Variants in ODF2 observed in about 807,000 individuals in gnomAD.
ODF2 encodes outer dense fiber of sperm tails 2.
ODF2 carries 47 observed loss-of-function variants against 110.2 expected under a neutral mutation model. That is an observed-to-expected ratio of 0.43 (90% CI 0.34 to 0.54). The LOEUF (loss-of-function observed/expected upper bound fraction) is 0.54, where lower values mean the gene tolerates loss of function less well. ODF2 is among the 20% of genes least tolerant of loss of function. The pLI, the probability that ODF2 is intolerant of heterozygous loss-of-function variation, is 0.03. For synonymous variants in ODF2, 352 were observed against 397.7 expected (o/e 0.89, Z 1.37); for missense variants, 812 against 1,054.5 (o/e 0.77, Z 3.19).
chr9:128,481,348 A>G (rs1842356864), intron 8 of ODF2, among the ~76,000 whole-genome samples: 2 of 152,134 alleles, frequency 1.3e-5, no homozygotes, highest in African/African-American at 2.4e-5. Context: ...ATGGTAGTGC[A>G]TGCTTGTTGT....
chr9:128,494,366 C>T lies in ODF2; in HGVS notation c.1753-144C>T. ...CCAGCGGGGAGTGTAGGCCACACTT[C>T]TGCTGTGGATTTTGCAGGATCCTCC... On this transcript the variant is annotated intron_variant, in intron 16 of 20. Transcript: ENST00000604420. This position sits in a 1 kb window ranked among gnomAD's most constrained non-coding sequence, Gnocchi z 4.6. 1.5e-6 allele frequency: 1 copy of T among 688,200 alleles called. No homozygotes were observed. Among genetic ancestry groups the T allele is most frequent in the Non-Finnish European group, 2.5e-6 (1 of 404,516 alleles). 42.6% of individuals were successfully genotyped at this position (688,200 alleles called of 1,614,324 possible).
intron 1 of ODF2, 167 bp downstream of exon 1, chr9:128,456,422 C>T: frequency 6.7e-7 from 1 of 1,484,816 alleles, no homozygotes; most frequent in Non-Finnish European, 8.9e-7. Flanking sequence ...CCCGCCCCGC[C>T]CACCGGCGCG....
intron 4 of ODF2, among the ~76,000 whole-genome samples, chr9:128,464,480 A>G (rs919239880): frequency 6.6e-6 from 1 of 150,664 alleles, no homozygotes; most frequent in African/African-American, 2.4e-5. Flanking sequence ...AAAAATAAAA[A>G]GCCTTGGTAG....
chr9:128,460,838 C>T (rs1836258930), intron 3 of ODF2, 104 bp from the exon 4 acceptor site: 1 of 1,543,028 alleles, frequency 6.5e-7, no homozygotes, highest in African/African-American at 1.4e-5. Flanking sequence ...ACAGCAGTAA[C>T]ATTAGTCAGA....
Position 128,498,409 on chromosome 9 carries a change from C to T in ODF2, c.2013-4C>T. On this transcript the variant is annotated splice_polypyrimidine_tract_variant and splice_region_variant and intron_variant, in intron 18 of 20. Transcript: ENST00000604420. ...CCAGGATCTGATTGAGTGCTTTCAC[C>T]TAGGAAACTGGAGGCGACCAGTGCC... 1 of 1,581,666 alleles carries T rather than the reference C, an allele frequency of 6.3e-7. No individual in the cohort carries two copies. Among genetic ancestry groups the T allele is most frequent in the East Asian group, 2.3e-5 (1 of 43,890 alleles).
intron 1 of ODF2, chr9:128,457,031 C>CAG: frequency 7.8e-7 from 1 of 1,283,822 alleles, no homozygotes; most frequent in Non-Finnish European, 1.0e-6. Flanking sequence ...CCCGCCCTCT[C>CAG]CGCACGTCCG....
chr9:128,473,025 A>G lies in ODF2; in HGVS notation c.694A>G (p.Ile232Val), dbSNP rs186444210. 5 of 1,614,052 alleles carry G rather than the reference A, an allele frequency of 3.1e-6. No homozygotes were observed. In the East Asian group the frequency reaches 8.9e-5, roughly 29 times the overall value. ...GCAGGTCATGGCCTTGAAGGATACC[A>G]TCGGGAAGCTGAAAACAGTAGGTGG... Residue 232 changes from isoleucine to valine, a missense_variant, in exon 7 of 21, where the codon ATC (isoleucine) becomes GTC (valine). Coordinates refer to ENST00000604420, the Ensembl canonical transcript of ODF2.
At chr9:128,497,758 C>T (rs1360931297) in intron 18 of ODF2, 1 of 152,090 alleles carries the variant, frequency 6.6e-6, no homozygotes, top group Admixed American at 6.6e-5. Context: ...AGTGCACTTG[C>T]AAGGAGGCTA....
intron 8 of ODF2, among the ~76,000 whole-genome samples, chr9:128,477,577 T>C (rs774673925): frequency 9.2e-5 from 14 of 151,762 alleles, no homozygotes; most frequent in Non-Finnish European, 1.6e-4. Flanking sequence ...TAACAAGTAA[T>C]GTAAAGTGGT....
At chr9:128,459,693 C>T (rs755322493) in intron 3 of ODF2, 36 bp downstream of exon 2, 7 of 1,537,030 alleles carry the variant, frequency 4.6e-6, no homozygotes, top group South Asian at 3.4e-5. Flanking sequence ...CCTCTTTGGT[C>T]ACCTTGCTAA....
rs557324124 is a variant in ODF2, at chr9:128,457,479, A to T, written c.32+42A>T. On this transcript the variant is annotated intron_variant, in intron 2 of 20. Transcript: ENST00000604420. ...AGGCGCCTGCGCCGGAGGGCAGGGA[A>T]AGGTGGCCAGGGGTCCCCAGGGCAG... is the stretch of plus-strand genomic sequence containing the variant. 2.6e-5 allele frequency: 40 copies of T among 1,561,886 alleles called. No individual in the cohort carries two copies. The East Asian group carries it at 9.0e-4, about 35-fold the overall frequency.
At chr9:128,456,368 C>A in intron 1 of ODF2, 113 bp downstream of exon 1, 1 of 1,430,134 alleles carries the variant, frequency 7.0e-7, no homozygotes, top group Non-Finnish European at 9.1e-7. Flanking sequence ...GTCCTGGGTT[C>A]CCCGCCGCGT....
chr9:128,495,878 C>CCTGT (rs1454737041), intron 17 of ODF2, among the ~76,000 whole-genome samples, 163 bp from the exon 18 acceptor site: 3 of 152,120 alleles, frequency 2.0e-5, no homozygotes, highest in African/African-American at 7.2e-5. Context: ...TTGGGCCTAA[C>CCTGT]CTGTCCCTGC....
intron 8 of ODF2, among the ~76,000 whole-genome samples, chr9:128,480,191 A>G (rs1019124951): frequency 2.0e-5 from 3 of 152,246 alleles, no homozygotes; most frequent in African/African-American, 7.2e-5. Flanking sequence ...ACAATTTTTA[A>G]AAGTTAATAA....
At position 128,464,673 on chromosome 9, in the gene ODF2, A is replaced by AT. The variant is rs1242331556; in HGVS notation, c.249+3642dup. ...ACCACCACACCCAGCTAGTTTTTGT[A>AT]TTTTTTTTTTTTTTTTTTTTTTTTT... On this transcript the variant is annotated intron_variant, in intron 4 of 20. Transcript: ENST00000604420. Among the ~76,000 whole-genome samples, 2 of 416 alleles carry AT rather than the reference A, an allele frequency of 4.8e-3. 1 individual carries two copies. The highest frequency in any genetic ancestry group is 5.2e-3 in the African/African-American group (2 of 386). 0.3% of individuals were successfully genotyped at this position (416 alleles called of 152,430 possible).
chr9:128,469,071 A>G, intron 4 of ODF2, 112 bp from the exon 5 acceptor site: 1 of 965,224 alleles, frequency 1.0e-6, no homozygotes, highest in South Asian at 1.6e-5. Flanking sequence ...GGGGTCCCCG[A>G]GTTAGCTGTT....
chr9:128,500,102 G>A (rs1370411460), exon 21 of ODF2: 9 of 1,614,134 alleles, frequency 5.6e-6, no homozygotes, highest in Non-Finnish European at 7.6e-6. Context: ...TGCAAGACCT[G>A]AAAGATCGCC....
chr9:128,495,955 T>G, intron 17 of ODF2, 86 bp from the exon 18 acceptor site: 8 of 1,512,240 alleles, frequency 5.3e-6, no homozygotes, highest in Non-Finnish European at 6.3e-6. Context: ...GCCCCTTTCC[T>G]GGGTGTGGAC....
At chr9:128,473,074 G>C in intron 7 of ODF2, 32 bp downstream of exon 7, 2 of 1,613,282 alleles carry the variant, frequency 1.2e-6, no homozygotes, top group Non-Finnish European at 1.7e-6. Flanking sequence ...CCCAGCCATG[G>C]AACTGGCCTC....
Sources: allele counts gnomAD v4.1 joint callset (sites outside exome capture counted in the v4.1 genomes callset), GRCh38; gene constraint gnomAD v4.1.1; non-coding constraint Gnocchi (gnomAD v3.1); transcripts MANE v1.5; gene names NCBI Gene and HGNC (gene_info 2026-07-23, HGNC 2026-07-21).